DNAJC3: variants seen among roughly 807,000 people sequenced by gnomAD.
DNAJC3 encodes the protein dnaJ homolog subfamily C member 3.
DNAJC3 carries 38 observed loss-of-function variants against 68.6 expected under a neutral mutation model. The ratio of observed to expected loss-of-function variants is 0.55; its 90% CI spans 0.43 to 0.73. The LOEUF (loss-of-function observed/expected upper bound fraction) is 0.73. DNAJC3 is among the 30% of genes least tolerant of loss of function. DNAJC3 has a pLI of 0.00. For missense variants in DNAJC3, 526 were observed against 591.9 expected (o/e 0.89, Z 1.16); for synonymous variants, 203 against 204.0 (o/e 1.00, Z 0.04).
chr13:95,715,212 A>G (rs772607533), intron 2 of DNAJC3, among the ~76,000 whole-genome samples: 5 of 152,204 alleles, frequency 3.3e-5, no homozygotes, highest in Non-Finnish European at 7.3e-5. Flanking sequence ...CCTGGGCAAC[A>G]TAGCAAGAGC....
chr13:95,772,369 T>TA (rs1269236070), intron 9 of DNAJC3, among the ~76,000 whole-genome samples: 1 of 152,212 alleles, frequency 6.6e-6, no homozygotes, highest in Admixed American at 6.5e-5. Flanking sequence ...GGCTTTTTTT[T>TA]AGACATATGT....
intron 4 of DNAJC3, among the ~76,000 whole-genome samples, chr13:95,731,074 T>C (rs540401043): frequency 3.9e-5 from 6 of 152,208 alleles, no homozygotes; most frequent in Non-Finnish European, 8.8e-5. Flanking sequence ...CTGTTGTAAA[T>C]GGGATTGCCT....
rs1205268638 is a variant in DNAJC3 at position 95,734,414 on chromosome 13, A to G, written c.393+9162A>G. Among the ~76,000 whole-genome samples the G allele has an allele frequency of 2.6e-5, 4 of 152,288 alleles. No individual in the cohort carries two copies. In the East Asian group the frequency reaches 7.7e-4, roughly 29 times the overall value. ...TAGTCCAATGGGGTTTCCCTTATAA[A>G]TGACTAAATGTTTTTATCTTCTGTT... On this transcript the variant is annotated intron_variant, in intron 4 of 11. Coordinates refer to ENST00000602402, the MANE Select transcript of DNAJC3 (RefSeq NM_006260.5).
intron 4 of DNAJC3, among the ~76,000 whole-genome samples, chr13:95,737,614 T>C (rs1347158077): frequency 6.6e-6 from 1 of 151,954 alleles, no homozygotes; most frequent in Non-Finnish European, 1.5e-5. Flanking sequence ...TGCGTAGAGG[T>C]GTTTGTAGTA....
intron 1 of DNAJC3, among the ~76,000 whole-genome samples, chr13:95,699,341 G>A (rs1182660742): frequency 6.6e-6 from 1 of 152,164 alleles, no homozygotes; most frequent in Non-Finnish European, 1.5e-5. Flanking sequence ...ATCCTAGAAG[G>A]CAAGAGAAAT....
chr13:95,733,250 T>C (rs1291830742), intron 4 of DNAJC3, among the ~76,000 whole-genome samples: 1 of 152,202 alleles, frequency 6.6e-6, no homozygotes, highest in Non-Finnish European at 1.5e-5. Context: ...CCCACTATTA[T>C]TATCTTGGAG....
At chr13:95,740,682 C>G (rs1334510766) in intron 4 of DNAJC3, among the ~76,000 whole-genome samples, 38 of 151,360 alleles carry the variant, frequency 2.5e-4, no homozygotes, top group African/African-American at 9.1e-4. Flanking sequence ...GCGCACGGTG[C>G]ACGCACCCAC....
chr13:95,701,144 T>C (rs1880576353), intron 1 of DNAJC3, among the ~76,000 whole-genome samples: 1 of 152,222 alleles, frequency 6.6e-6, no homozygotes, highest in Non-Finnish European at 1.5e-5. Context: ...GGCTGTCCAG[T>C]GGAACTTTCC....
intron 1 of DNAJC3, among the ~76,000 whole-genome samples, chr13:95,688,782 G>A (rs993512826): frequency 6.6e-6 from 1 of 152,128 alleles, no homozygotes; most frequent in Non-Finnish European, 1.5e-5. Flanking sequence ...GATTACAGGT[G>A]TGAGCCACTG....
intron 4 of DNAJC3, among the ~76,000 whole-genome samples, chr13:95,752,634 C>G (rs1314202238): frequency 6.6e-6 from 1 of 152,180 alleles, no homozygotes; most frequent in Non-Finnish European, 1.5e-5. Context: ...GACTCTGAAT[C>G]CTTATTAATT....
At chr13:95,752,283 T>A (rs1223533629) in intron 4 of DNAJC3, among the ~76,000 whole-genome samples, 1 of 152,190 alleles carries the variant, frequency 6.6e-6, no homozygotes, top group Admixed American at 6.5e-5. Context: ...ATTTGAGAAA[T>A]TAAAATAACT....
intron 5 of DNAJC3, among the ~76,000 whole-genome samples, chr13:95,758,273 G>A (rs999716102): frequency 3.9e-5 from 6 of 152,072 alleles, no homozygotes; most frequent in South Asian, 2.1e-4. Context: ...AGAATTTGTC[G>A]CTGCAGTGAG....
intron 2 of DNAJC3, among the ~76,000 whole-genome samples, chr13:95,712,045 A>G (rs1219786887): frequency 1.3e-5 from 2 of 152,236 alleles, no homozygotes; most frequent in African/African-American, 2.4e-5. Context: ...GGTTTCTATT[A>G]TAAGGATGTA....
Position 95,791,182 on chromosome 13 carries a change from G to A in DNAJC3, c.*152G>A. ...TAGGAAAAAATCTGTTCTTATCCCT[G>A]TCAGATTTATGGTTAATGGGTTTGC... is the stretch of plus-strand genomic sequence containing the variant. On this transcript the variant is annotated 3_prime_UTR_variant, in exon 12 of 12. Transcript: ENST00000602402. The A allele has an allele frequency of 1.1e-6, 1 of 887,046 alleles. No individual in the cohort carries two copies. The highest frequency in any genetic ancestry group is 1.8e-5 in the South Asian group (1 of 56,204). The allele number at this position is 887,046 out of a possible 1,614,324, so 54.9% of individuals were successfully genotyped here.
chr13:95,722,090 A>AT (rs17879413), intron 2 of DNAJC3, among the ~76,000 whole-genome samples: 2,595 of 152,268 alleles, frequency 0.017, 78 homozygotes, highest in African/African-American at 0.06. Context: ...CTATTTCCAA[A>AT]TGCTTTTTAG....
Position 95,734,171 on chromosome 13 carries a change from C to A in DNAJC3, c.393+8919C>A, listed in dbSNP as rs184970555. Among the ~76,000 whole-genome samples, 193 of 152,168 alleles carry A rather than the reference C, an allele frequency of 1.3e-3. 2 individuals are homozygous for A. Among genetic ancestry groups the A allele is most frequent in the Middle Eastern group, 6.8e-3 (2 of 292 alleles). On this transcript the variant is annotated intron_variant, in intron 4 of 11. Coordinates refer to ENST00000602402, the MANE Select transcript of DNAJC3 (RefSeq NM_006260.5). Reference sequence around the variant, plus strand: ...GTGTTTTCATGACAGTAGATATTGTCCTTTTGCATCTAGGTTTAGGACTCC... The same window carrying A: ...GTGTTTTCATGACAGTAGATATTGTACTTTTGCATCTAGGTTTAGGACTCC...
At chr13:95,780,410 A>G (rs1250395056) in intron 9 of DNAJC3, among the ~76,000 whole-genome samples, 1 of 152,168 alleles carries the variant, frequency 6.6e-6, no homozygotes, top group Admixed American at 6.5e-5. Flanking sequence ...TGGTTCCTGC[A>G]ATATGCAAGG....
At chr13:95,694,599 A>G (rs749744283) in intron 1 of DNAJC3, 28 of 152,612 alleles carry the variant, frequency 1.8e-4, no homozygotes, top group Non-Finnish European at 1.2e-4. Flanking sequence ...ACACCCACTA[A>G]TTAAAATTAT....
At chr13:95,705,515 T>C (rs1348545047) in intron 1 of DNAJC3, among the ~76,000 whole-genome samples, 1 of 150,992 alleles carries the variant, frequency 6.6e-6, no homozygotes, top group East Asian at 1.9e-4. Context: ...CCTCTCTCTC[T>C]CTCTCTTTTT....
Sources: allele counts gnomAD v4.1 joint callset (sites outside exome capture counted in the v4.1 genomes callset), GRCh38; gene constraint gnomAD v4.1.1; transcripts MANE v1.5; gene names NCBI Gene and HGNC (gene_info 2026-07-23, HGNC 2026-07-21).